AASS: variants seen among roughly 807,000 people sequenced by gnomAD.
AASS encodes the protein aminoadipate-semialdehyde synthase, also known as alpha-aminoadipic semialdehyde synthase, mitochondrial.
AASS carries 86 observed loss-of-function variants against 105.4 expected under a neutral mutation model. The observed-to-expected ratio is 0.82, with a 90% CI of 0.69 to 0.98. AASS has a LOEUF of 0.98. AASS is among the 50% of genes least tolerant of loss of function. The probability of loss-of-function intolerance (pLI) is 0.00; values close to 1 mark genes in which losing one functional copy is unlikely to be tolerated. For synonymous variants in AASS, 381 were observed against 394.8 expected, an observed-to-expected ratio of 0.96 and a Z score of 0.41; for missense variants, 1,048 against 1,143.2, an observed-to-expected ratio of 0.92 and a Z score of 1.20.
intron 1 of AASS, among the ~76,000 whole-genome samples, chr7:122,136,721 A>G (rs1796157081): frequency 1.3e-5 from 2 of 152,198 alleles, no homozygotes; most frequent in Non-Finnish European, 2.9e-5. Context: ...TTCACAGGTG[A>G]CTACATACCC....
At chr7:122,140,545 C>G (rs189392121) in intron 1 of AASS, among the ~76,000 whole-genome samples, 3 of 141,590 alleles carry the variant, frequency 2.1e-5, no homozygotes, top group East Asian at 4.4e-4. Flanking sequence ...ATTTCTGTTA[C>G]TTCTTTTGGG....
chr7:122,077,071 GA>G (rs1452785055), intron 23 of AASS, among the ~76,000 whole-genome samples: 1 of 152,128 alleles, frequency 6.6e-6, no homozygotes, highest in Non-Finnish European at 1.5e-5. Context: ...AGGCCACAAT[GA>G]CCCCAACTTT....
At chr7:122,098,965 C>A in intron 13 of AASS, 99 bp from the exon 14 acceptor site, 2 of 1,280,472 alleles carry the variant, frequency 1.6e-6, no homozygotes, top group East Asian at 2.6e-5. Context: ...ATACTAAAAC[C>A]TAAATAATGA....
At chr7:122,139,463 C>T (rs1796290084) in intron 1 of AASS, among the ~76,000 whole-genome samples, 1 of 151,994 alleles carries the variant, frequency 6.6e-6, no homozygotes, top group African/African-American at 2.4e-5. Flanking sequence ...TCTAGTATTA[C>T]AAATGAGAAT....
chr7:122,094,202 A>G (rs1222099199), intron 15 of AASS, among the ~76,000 whole-genome samples: 1 of 152,122 alleles, frequency 6.6e-6, no homozygotes, highest in Non-Finnish European at 1.5e-5. Context: ...CACACAATAT[A>G]CCTTTGTAAT....
rs765122059 is a variant in AASS at position 122,115,223 on chromosome 7, C to G, written c.895-1G>C. On this transcript the variant is annotated splice_acceptor_variant, in intron 8 of 23. Transcript: ENST00000417368. LOFTEE classifies it high-confidence loss of function. ...TTAAGCAAGTTGTATAGGGTGCAATCTGTAATGCAAGTTCCAGGTTCAAGA... is the reference window on the plus strand; with the variant it reads ...TTAAGCAAGTTGTATAGGGTGCAATGTGTAATGCAAGTTCCAGGTTCAAGA... 1 of 1,614,002 alleles carries G rather than the reference C, an allele frequency of 6.2e-7. No individual in the cohort carries two copies. Among genetic ancestry groups the G allele is most frequent in the East Asian group, 2.2e-5 (1 of 44,852 alleles).
At chr7:122,143,394 T>C (rs972807706) in intron 1 of AASS, among the ~76,000 whole-genome samples, 1 of 150,146 alleles carries the variant, frequency 6.7e-6, no homozygotes, top group Admixed American at 6.7e-5. Context: ...AAAGCACATT[T>C]CTTCTTCTGA....
chr7:122,126,530 G>A lies in AASS; in HGVS notation c.388-71C>T, dbSNP rs1795664421. On this transcript the variant is annotated intron_variant, in intron 3 of 23. Coordinates refer to ENST00000417368, the MANE Select transcript of AASS (RefSeq NM_005763.4). ...TTTTAACAAGTAAAGACATATATGA[G>A]CAAGTAAATATTTCACATTTTTTCC... 2.4e-6 allele frequency: 3 copies of A among 1,245,804 alleles called. No homozygotes were observed. The Admixed American group carries it at 5.1e-5, about 21-fold the overall frequency. 77.2% of individuals were successfully genotyped at this position (1,245,804 alleles called of 1,614,324 possible).
At position 122,138,570 on chromosome 7, in the gene AASS, G is replaced by C. The variant is rs542229331; in HGVS notation, c.-15-4829C>G. Among the ~76,000 whole-genome samples the C allele has an allele frequency of 9.6e-4, 146 of 152,076 alleles. 1 individual carries two copies. The highest frequency in any genetic ancestry group is 1.7e-3 in the Non-Finnish European group (116 of 68,008). On this transcript the variant is annotated intron_variant, in intron 1 of 23. Transcript: ENST00000417368. ...GTGGGTAACTGAAACCATGGAAAGCGAAAACTTGGATAAGAAGGAACTACT... is the reference window on the plus strand; with the variant it reads ...GTGGGTAACTGAAACCATGGAAAGCCAAAACTTGGATAAGAAGGAACTACT...
At position 122,129,572 on chromosome 7, in the gene AASS, T is replaced by C. The variant is rs773968459; in HGVS notation, c.211-35A>G. The stretch of plus-strand genomic sequence containing the variant: ...TAATTATGATTAAAGGTTATTATCC[T>C]GATTTGTAATATCCATGTTTTCTTG... On this transcript the variant is annotated intron_variant, in intron 2 of 23. Transcript: ENST00000417368. 1.9e-6 allele frequency: 3 copies of C among 1,596,570 alleles called. No individual in the cohort carries two copies. The East Asian group carries it at 6.7e-5, about 36-fold the overall frequency.
intron 18 of AASS, among the ~76,000 whole-genome samples, chr7:122,090,399 A>G (rs1035462565): frequency 2.6e-5 from 4 of 152,144 alleles, no homozygotes; most frequent in African/African-American, 9.7e-5. Context: ...AGGCGCTGGT[A>G]CTTTTTAAAC....
intron 10 of AASS, 101 bp downstream of exon 10, chr7:122,113,497 A>C: frequency 6.7e-7 from 1 of 1,492,826 alleles, no homozygotes; most frequent in Non-Finnish European, 9.2e-7. Flanking sequence ...ATCTCTCCAA[A>C]TTTTCATAAC....
Position 122,116,506 on chromosome 7 carries a change from T to A in AASS, c.894+127A>T, listed in dbSNP as rs942510128. 1.7e-5 allele frequency: 21 copies of A among 1,217,824 alleles called. No homozygotes were observed. The East Asian group carries it at 5.1e-4, about 29-fold the overall frequency. The allele number at this position is 1,217,824 out of a possible 1,614,324, so 75.4% of individuals were successfully genotyped here. On this transcript the variant is annotated intron_variant, in intron 8 of 23. Transcript: ENST00000417368. The stretch of plus-strand genomic sequence containing the variant: ...GATGATAGCTCCAAAGGCCAAATCA[T>A]GATACCCAAAGGACTCACAACAGGA...
chr7:122,077,750 C>G, intron 23 of AASS, 88 bp downstream of exon 23: 3 of 1,502,972 alleles, frequency 2.0e-6, no homozygotes, highest in Non-Finnish European at 2.8e-6. Context: ...GCCTGTGTTA[C>G]GCTCAAGAGC....
intron 1 of AASS, 37 bp from the exon 2 acceptor site, chr7:122,133,778 C>T (rs766886016): frequency 5.8e-5 from 91 of 1,575,676 alleles, no homozygotes; most frequent in Non-Finnish European, 7.6e-5. Context: ...CAACAAAAGG[C>T]AGCAAGGCTG....
chr7:122,128,687 T>G (rs1284467395), intron 3 of AASS, among the ~76,000 whole-genome samples: 1 of 152,218 alleles, frequency 6.6e-6, no homozygotes, highest in African/African-American at 2.4e-5. Flanking sequence ...GAATAGATAT[T>G]TGTTAAATGA....
At chr7:122,078,783 C>T (rs1793162260) in intron 22 of AASS, 79 bp downstream of exon 22, 3 of 1,365,386 alleles carry the variant, frequency 2.2e-6, no homozygotes, top group Non-Finnish European at 3.1e-6. Flanking sequence ...TTGGGGCCAA[C>T]CCTCCAATAC....
intron 3 of AASS, among the ~76,000 whole-genome samples, chr7:122,127,241 T>C (rs568092609): frequency 1.5e-4 from 23 of 152,304 alleles, no homozygotes; most frequent in African/African-American, 5.5e-4. Flanking sequence ...ATATTCTTCC[T>C]CTTTCCTTGA....
chr7:122,116,873 C>T lies in AASS; in HGVS notation c.766+6G>A. ...CATTAAAAGTTAGTCATCTCCTGTC[C>T]CTTACCTCCAGTTTGGGAAACTTCT... On this transcript the variant is annotated splice_donor_region_variant and intron_variant, in intron 7 of 23. Coordinates refer to ENST00000417368, the MANE Select transcript of AASS (RefSeq NM_005763.4). 1 of 1,613,614 alleles carries T rather than the reference C, an allele frequency of 6.2e-7. No homozygotes were observed. The highest frequency in any genetic ancestry group is 1.1e-5 in the South Asian group (1 of 91,072).
Sources: gnomAD v4.1 joint callset for allele counts (sites outside exome capture counted in the v4.1 genomes callset) on GRCh38, gnomAD v4.1.1 for gene constraint, MANE v1.5 for transcripts, NCBI Gene and HGNC (gene_info 2026-07-23, HGNC 2026-07-21) for gene names.